NRG1: variants seen among roughly 807,000 people sequenced by gnomAD.
NRG1 encodes neuregulin 1.
Under a neutral mutation model 63.8 loss-of-function variants are expected in NRG1, and 18 were observed. The ratio of observed to expected loss-of-function variants is 0.28; its 90% confidence interval spans 0.19 to 0.42. NRG1 has a LOEUF of 0.42. NRG1 is among the 10% of genes least tolerant of loss of function. NRG1 has a pLI of 1.00. For synonymous variants in NRG1, 302 were observed against 301.3 expected, an observed-to-expected ratio of 1.00 and a Z score of -0.02; for missense variants, 762 against 814.7, an observed-to-expected ratio of 0.94 and a Z score of 0.79.
intron 1 of NRG1, among the ~76,000 whole-genome samples, chr8:32,135,130 G>A (rs1835339379): frequency 6.6e-6 from 1 of 152,130 alleles, no homozygotes. Context: ...AGAAGAAAAG[G>A]TAGGAAGAAG....
At chr8:32,104,824 A>G (rs965111516) in intron 1 of NRG1, among the ~76,000 whole-genome samples, 3 of 152,250 alleles carry the variant, frequency 2.0e-5, no homozygotes, top group East Asian at 1.9e-4. Context: ...GTAAATAACA[A>G]GCACGAAGCT....
chr8:32,478,034 C>T (rs1824747725), intron 1 of NRG1, among the ~76,000 whole-genome samples: 1 of 152,228 alleles, frequency 6.6e-6, no homozygotes, highest in Non-Finnish European at 1.5e-5. Context: ...CTATATACTT[C>T]TCATCCTCTG....
chr8:32,194,249 T>C (rs1842762158), intron 1 of NRG1, among the ~76,000 whole-genome samples: 1 of 152,168 alleles, frequency 6.6e-6, no homozygotes, highest in Non-Finnish European at 1.5e-5. Flanking sequence ...TCCACCTAGG[T>C]GTCCTCTAAA....
intron 1 of NRG1, among the ~76,000 whole-genome samples, chr8:31,924,196 A>T (rs1834145936): frequency 6.6e-6 from 1 of 151,868 alleles, no homozygotes; most frequent in South Asian, 2.1e-4. Context: ...CTACTGAAAA[A>T]AAAAAAAATC....
chr8:32,317,102 A>C (rs1023868843), intron 1 of NRG1, among the ~76,000 whole-genome samples: 3 of 149,468 alleles, frequency 2.0e-5, no homozygotes, highest in African/African-American at 7.4e-5. Flanking sequence ...TTGATGTTAG[A>C]TGTATACGTT....
chr8:31,813,524 T>TCTTTTCTTTTCTTTTCTTTTCTTTTC (rs1196353618), intron 1 of NRG1, among the ~76,000 whole-genome samples: 1 of 139,724 alleles, frequency 7.2e-6, no homozygotes, highest in African/African-American at 2.7e-5. Context: ...TTCTTTTTTT[T>TCTTTTCTTTTCTTTTCTTTTCTTTTC]TTTTTTTTTG....
chr8:32,748,535 G>A (rs1383966753), intron 7 of NRG1: 1 of 199,768 alleles, frequency 5.0e-6, no homozygotes, highest in Non-Finnish European at 1.0e-5. Context: ...TTCCTCAATG[G>A]AGCCTCTGCA....
intron 1 of NRG1, among the ~76,000 whole-genome samples, chr8:31,727,369 C>T (rs1284161459): frequency 6.6e-6 from 1 of 152,232 alleles, no homozygotes; most frequent in African/African-American, 2.4e-5. Flanking sequence ...AAGTTTCTTC[C>T]CCTTCACAGA....
intron 1 of NRG1, among the ~76,000 whole-genome samples, chr8:32,405,959 A>G (rs745674466): frequency 6.6e-6 from 1 of 152,214 alleles, no homozygotes; most frequent in Non-Finnish European, 1.5e-5. Flanking sequence ...GTGTTACAAA[A>G]AAGACGCATA....
intron 1 of NRG1, among the ~76,000 whole-genome samples, chr8:31,867,858 A>G (rs1167952244): frequency 6.6e-6 from 1 of 152,144 alleles, no homozygotes; most frequent in Non-Finnish European, 1.5e-5. Flanking sequence ...CTGTGTATGT[A>G]TTTTATAACC....
At chr8:31,956,441 C>A (rs1254754279) in intron 1 of NRG1, among the ~76,000 whole-genome samples, 1 of 151,928 alleles carries the variant, frequency 6.6e-6, no homozygotes, top group Non-Finnish European at 1.5e-5. Flanking sequence ...CATGGTGAAA[C>A]CCCATCTCTA....
At chr8:32,731,633 TA>T (rs1823693027) in intron 6 of NRG1, among the ~76,000 whole-genome samples, 1 of 152,222 alleles carries the variant, frequency 6.6e-6, no homozygotes, top group Non-Finnish European at 1.5e-5. Context: ...AAACTGTTTT[TA>T]TTTTTTTAAA....
At chr8:31,761,221 T>A (rs1342355657) in intron 1 of NRG1, among the ~76,000 whole-genome samples, 10 of 152,010 alleles carry the variant, frequency 6.6e-5, no homozygotes, top group Non-Finnish European at 1.2e-4. Flanking sequence ...CAAACACCTC[T>A]TGTTCTCACT....
intron 1 of NRG1, among the ~76,000 whole-genome samples, chr8:31,749,113 A>G (rs747361594): frequency 3.3e-5 from 5 of 151,866 alleles, no homozygotes; most frequent in African/African-American, 1.2e-4. Flanking sequence ...CTTCTCCATG[A>G]CAGAGGATAG....
intron 1 of NRG1, among the ~76,000 whole-genome samples, chr8:31,985,805 G>A (rs1809958997): frequency 6.6e-6 from 1 of 151,990 alleles, no homozygotes; most frequent in Non-Finnish European, 1.5e-5. Context: ...AATAATTGCA[G>A]TATTTATATT....
At chr8:32,335,898 A>C (rs1276547083) in intron 1 of NRG1, among the ~76,000 whole-genome samples, 10 of 152,082 alleles carry the variant, frequency 6.6e-5, no homozygotes, top group Admixed American at 6.6e-4. Context: ...AGAAAACTAC[A>C]AAGCCAGGAA....
chr8:31,697,241 G>A (rs1422583397), intron 1 of NRG1, among the ~76,000 whole-genome samples: 1 of 152,152 alleles, frequency 6.6e-6, no homozygotes, highest in Non-Finnish European at 1.5e-5. Flanking sequence ...TGAATCATTG[G>A]AGACCAATGA....
In NRG1 at chr8:31,982,532, TC is replaced by T. The variant is rs1484990619; in HGVS notation, c.37+343102del. 6.9e-3 allele frequency among the ~76,000 whole-genome samples: 1,044 copies of T among 152,216 alleles called. 15 individuals carry two copies. Among genetic ancestry groups the T allele is most frequent in the African/African-American group, 0.024 (980 of 41,550 alleles). On this transcript the variant is annotated intron_variant, in intron 1 of 10. Coordinates refer to the NRG1 transcript ENST00000519301. ...ACAGGAAGTGCTGAAAGAGCATGTT[TC>T]TGCACATTTAGAATTAAGAGGGATT...
At chr8:32,442,974 G>T (rs1819744563) in intron 1 of NRG1, among the ~76,000 whole-genome samples, 2 of 151,794 alleles carry the variant, frequency 1.3e-5, no homozygotes, top group Admixed American at 1.3e-4. Context: ...CTATCACCCA[G>T]GCTGGAGTGC....
Sources: gnomAD v4.1 joint callset for allele counts (sites outside exome capture counted in the v4.1 genomes callset) on GRCh38, gnomAD v4.1.1 for gene constraint, MANE v1.5 for transcripts, NCBI Gene and HGNC (gene_info 2026-07-23, HGNC 2026-07-21) for gene names.